TYW1B: variants seen among roughly 807,000 people sequenced by gnomAD.
TYW1B encodes tRNA-yW synthesizing protein 1 homolog B.
In TYW1B, 73 loss-of-function variants were observed where a neutral mutation model predicts 86.9. The ratio of observed to expected loss-of-function variants is 0.84; its 90% CI spans 0.70 to 1.02. The LOEUF is 1.02. Ranked by LOEUF, TYW1B falls within the 50% of genes least tolerant of loss-of-function variation. The probability of loss-of-function intolerance (pLI) is 0.00; values close to 1 mark genes in which losing one functional copy is unlikely to be tolerated. For synonymous variants in TYW1B, 248 were observed against 292.8 expected (o/e 0.85, Z 1.56); for missense variants, 637 against 827.4 (o/e 0.77, Z 2.82).
chr7:72,620,464 T>C (rs1812187044), intron 12 of TYW1B, among the ~76,000 whole-genome samples: 1 of 152,106 alleles, frequency 6.6e-6, no homozygotes, highest in African/African-American at 2.4e-5. Context: ...CCTGGGTAAC[T>C]TCCTGAGTCA....
chr7:72,587,804 T>TTATAAAC (rs1323668932), intron 13 of TYW1B, among the ~76,000 whole-genome samples: 3 of 152,184 alleles, frequency 2.0e-5, no homozygotes, highest in African/African-American at 7.2e-5. Context: ...TTGTTTTAAA[T>TTATAAAC]TATAAACTAT....
At chr7:72,798,711 C>T (rs1788352787) in intron 6 of TYW1B, among the ~76,000 whole-genome samples, 1 of 152,126 alleles carries the variant, frequency 6.6e-6, no homozygotes, top group African/African-American at 2.4e-5. Flanking sequence ...TCCATACAGG[C>T]TAGACCATCC....
intron 11 of TYW1B, among the ~76,000 whole-genome samples, chr7:72,687,635 T>C (rs1451453524): frequency 1.3e-5 from 2 of 152,114 alleles, no homozygotes; most frequent in Non-Finnish European, 1.5e-5. Context: ...GCATAAACAA[T>C]CGTTTCATTT....
chr7:72,645,115 C>A (rs1275199562), intron 11 of TYW1B, among the ~76,000 whole-genome samples: 1 of 152,168 alleles, frequency 6.6e-6, no homozygotes, highest in African/African-American at 2.4e-5. Flanking sequence ...GCGTGAGCCG[C>A]CGCGCCCAGC....
intron 9 of TYW1B, among the ~76,000 whole-genome samples, chr7:72,723,963 A>G (rs1786951685): frequency 7.4e-6 from 1 of 135,912 alleles, no homozygotes; most frequent in Non-Finnish European, 1.6e-5. Flanking sequence ...CTTACAAATT[A>G]TGCACTTTAC....
At chr7:72,750,967 G>A (rs1272189494) in intron 7 of TYW1B, among the ~76,000 whole-genome samples, 3 of 151,858 alleles carry the variant, frequency 2.0e-5, no homozygotes, top group East Asian at 1.9e-4. Flanking sequence ...AAACTGCCAC[G>A]CAATCTCTAA....
intron 13 of TYW1B, among the ~76,000 whole-genome samples, chr7:72,584,278 CA>C (rs1811221923): frequency 6.6e-6 from 1 of 152,110 alleles, no homozygotes; most frequent in Non-Finnish European, 1.5e-5. Flanking sequence ...TTCCAGGGCT[CA>C]TGCAATTCTC....
intron 7 of TYW1B, among the ~76,000 whole-genome samples, chr7:72,775,369 T>C (rs1447487581): frequency 6.6e-6 from 1 of 152,142 alleles, no homozygotes; most frequent in South Asian, 2.1e-4. Context: ...AGGCACATTA[T>C]AATTAAATTG....
rs1287366605 is a variant in TYW1B at position 72,811,436 on chromosome 7, G to T, written c.238-771C>A. ...AACAGCTCACGTTACTGCTTCCTTAGAGTGGAAGCTGCTCTGTGGTGTCAG... is the reference window on the plus strand; with the variant it reads ...AACAGCTCACGTTACTGCTTCCTTATAGTGGAAGCTGCTCTGTGGTGTCAG... On this transcript the variant is annotated intron_variant, in intron 3 of 13. Coordinates refer to ENST00000620995, the MANE Select transcript of TYW1B (RefSeq NM_001145440.3). Among the ~76,000 whole-genome samples the T allele has an allele frequency of 1.3e-4, 20 of 151,982 alleles. 1 individual carries two copies. Among genetic ancestry groups the T allele is most frequent in the Non-Finnish European group, 2.5e-4 (17 of 67,982 alleles).
chr7:72,709,504 T>C (rs58828736), intron 10 of TYW1B, among the ~76,000 whole-genome samples: 120,062 of 151,942 alleles, frequency 0.79, 48,083 homozygotes, highest in Middle Eastern at 0.86. Context: ...CTGTCTCTAC[T>C]AAAAATACAA....
At chr7:72,696,207 C>G (rs779971049) in intron 10 of TYW1B, among the ~76,000 whole-genome samples, 52 of 152,176 alleles carry the variant, frequency 3.4e-4, no homozygotes, top group Non-Finnish European at 5.9e-4. Context: ...CTTGGCCTCC[C>G]AAAGTGCTGG....
At chr7:72,604,161 T>C (rs1554434395) in intron 13 of TYW1B, among the ~76,000 whole-genome samples, 2 of 152,030 alleles carry the variant, frequency 1.3e-5, no homozygotes, top group African/African-American at 4.8e-5. Context: ...ATAAAGTCTA[T>C]TGAAAAAAAT....
intron 6 of TYW1B, among the ~76,000 whole-genome samples, chr7:72,792,710 A>G (rs1217481282): frequency 2.0e-5 from 3 of 152,230 alleles, no homozygotes; most frequent in African/African-American, 7.2e-5. Flanking sequence ...AAACACCTGA[A>G]TGTTAATGAA....
chr7:72,713,373 G>GA (rs1235749726), intron 10 of TYW1B, among the ~76,000 whole-genome samples: 38 of 145,958 alleles, frequency 2.6e-4, no homozygotes, highest in South Asian at 8.7e-4. Flanking sequence ...CTCCCATTTG[G>GA]AAAAAAAAAA....
At chr7:72,796,232 G>A (rs1262167238) in intron 6 of TYW1B, among the ~76,000 whole-genome samples, 2 of 61,892 alleles carry the variant, frequency 3.2e-5, no homozygotes, top group African/African-American at 4.7e-5. Flanking sequence ...TGTTTGAGCC[G>A]CACACAGACT....
rs575619870 is a variant in TYW1B at position 72,699,948 on chromosome 7, C to A, written c.1371-5126G>T. 2.1e-3 allele frequency among the ~76,000 whole-genome samples: 318 copies of A among 151,960 alleles called. 1 individual carries two copies. Among genetic ancestry groups the A allele is most frequent in the Non-Finnish European group, 3.9e-3 (264 of 67,966 alleles). On this transcript the variant is annotated intron_variant, in intron 10 of 13. Transcript: ENST00000620995. ...TACAGGCGTGAGCCACTGTGCCTGGCCAAATTTTTCCATTTCTGTGACTAA... is the reference window on the plus strand; with the variant it reads ...TACAGGCGTGAGCCACTGTGCCTGGACAAATTTTTCCATTTCTGTGACTAA...
intron 6 of TYW1B, among the ~76,000 whole-genome samples, chr7:72,801,785 T>C (rs1384051002): frequency 6.6e-6 from 1 of 152,150 alleles, no homozygotes; most frequent in African/African-American, 2.4e-5. Flanking sequence ...GCCCCACTCA[T>C]GCTGATCTCC....
Position 72,638,871 on chromosome 7 carries a change from T to C in TYW1B, c.1507-9874A>G, listed in dbSNP as rs184839597. Among the ~76,000 whole-genome samples, 249 of 152,294 alleles carry C rather than the reference T, an allele frequency of 1.6e-3. 2 individuals are homozygous for C. The highest frequency in any genetic ancestry group is 5.4e-3 in the African/African-American group (225 of 41,578). On this transcript the variant is annotated intron_variant, in intron 11 of 13. Coordinates refer to ENST00000620995, the MANE Select transcript of TYW1B (RefSeq NM_001145440.3). ...TGCCAAAAACTGAATATATCGTCAA[T>C]CGAGCCTTTAGTTGTAACTACCATT...
intron 10 of TYW1B, among the ~76,000 whole-genome samples, chr7:72,697,008 GCTTC>G: frequency 7.0e-6 from 1 of 142,036 alleles, no homozygotes. Flanking sequence ...GACAAGCTAT[GCTTC>G]CTTAACTGGA....
Sources: allele counts gnomAD v4.1 joint callset (sites outside exome capture counted in the v4.1 genomes callset), GRCh38; gene constraint gnomAD v4.1.1; transcripts MANE v1.5; gene names NCBI Gene and HGNC (gene_info 2026-07-23, HGNC 2026-07-21).